Variants in GLDN observed in about 807,000 individuals in gnomAD.
GLDN encodes collomin.
GLDN carries 47 observed loss-of-function variants against 56.5 expected under a neutral mutation model. The observed-to-expected ratio is 0.83, with a 90% CI of 0.66 to 1.06. GLDN has a LOEUF of 1.06. Among genes scored for constraint, GLDN ranks in the 50% least tolerant of loss-of-function variants. The pLI is 0.00. For missense variants in GLDN, 782 were observed against 714.3 expected (o/e 1.09, Z -1.08); for synonymous variants, 332 against 278.8 (o/e 1.19, Z -1.90).
intron 1 of GLDN, among the ~76,000 whole-genome samples, chr15:51,355,261 A>G (rs964222077): frequency 5.9e-5 from 9 of 152,212 alleles, no homozygotes; most frequent in Non-Finnish European, 5.9e-5. Context: ...AATATGGGGT[A>G]GATTATTCAA....
At chr15:51,409,186 A>C (rs2038437547), downstream of GLDN, among the ~76,000 whole-genome samples, 1 of 151,120 alleles carries the variant, frequency 6.6e-6, no homozygotes. Context: ...CGCTGTCACA[A>C]CGCCAAAAAA....
downstream of GLDN, among the ~76,000 whole-genome samples, chr15:51,412,511 T>C (rs1208202605): frequency 6.6e-6 from 1 of 152,232 alleles, no homozygotes; most frequent in Non-Finnish European, 1.5e-5. Context: ...GCCATCTCTC[T>C]CTCTCTATCC....
intron 1 of GLDN, among the ~76,000 whole-genome samples, chr15:51,376,397 A>G (rs2141086655): frequency 6.6e-6 from 1 of 152,378 alleles, no homozygotes; most frequent in Middle Eastern, 3.4e-3. Flanking sequence ...GACACTTACC[A>G]TGAATGGAGC....
chr15:51,376,062 T>C (rs2037624433), intron 1 of GLDN, among the ~76,000 whole-genome samples: 1 of 152,230 alleles, frequency 6.6e-6, no homozygotes, highest in Non-Finnish European at 1.5e-5. Flanking sequence ...TTCTTAGATC[T>C]TTTAAGGGTT....
chr15:51,346,613 G>C lies in GLDN; in HGVS notation c.363+4566G>C, dbSNP rs554414349. 7.5e-4 allele frequency among the ~76,000 whole-genome samples: 114 copies of C among 152,146 alleles called. 1 individual carries two copies. The highest frequency in any genetic ancestry group is 1.4e-3 in the Non-Finnish European group (98 of 68,034). ...GTATATCATTTTTAATTTTGGAATT[G>C]GGAAGCCTTTTCTTTCAAGTTATAA... On this transcript the variant is annotated intron_variant, in intron 1 of 9. Coordinates refer to ENST00000335449, the MANE Select transcript of GLDN (RefSeq NM_181789.4).
rs2037530301 is a variant in GLDN at position 51,372,172 on chromosome 15, T to C, written c.364-5277T>C. Among the ~76,000 whole-genome samples the C allele has an allele frequency of 2.0e-5, 3 of 151,330 alleles. No homozygotes were observed. The Admixed American group carries it at 2.0e-4, about 10-fold the overall frequency. On this transcript the variant is annotated intron_variant, in intron 1 of 9. Coordinates refer to ENST00000335449, the MANE Select transcript of GLDN (RefSeq NM_181789.4). ...CTTCACATGAAGCCACCAGTTCCAC[T>C]ACCATGATAACCCATTAATCCATGA... is the stretch of plus-strand genomic sequence containing the variant.
At chr15:51,352,840 G>A (rs1280172239) in intron 1 of GLDN, among the ~76,000 whole-genome samples, 3 of 152,128 alleles carry the variant, frequency 2.0e-5, no homozygotes, top group East Asian at 1.9e-4. Context: ...AACTAACTTT[G>A]GAAGGAACTT....
Position 51,401,726 on chromosome 15 carries a change from T to A in GLDN, c.1161T>A (p.Gly387=), listed in dbSNP as rs561657988. 130 of 1,613,918 alleles carry A rather than the reference T, an allele frequency of 8.1e-5. 1 individual carries two copies. The South Asian group carries it at 1.3e-3, about 16-fold the overall frequency. ...YNNSLYYHKG[G]SNTLVRFEFG... is the part of the protein sequence containing the mutation. ...ACTCTCTCTACTACCACAAAGGGGG[T>A]TCTAATACCCTAGTGAGGTAAGTCG... Residue 387 remains glycine (G), a synonymous_variant, in exon 9 of 10, where the codon GGT becomes GGA. Transcript: ENST00000335449.
Position 51,376,945 on chromosome 15 carries a change from TTTTTC to T in GLDN, c.364-501_364-497del, listed in dbSNP as rs577464696. Among the ~76,000 whole-genome samples the T allele has an allele frequency of 5.0e-3, 762 of 152,262 alleles. 7 individuals are homozygous for T. The highest frequency in any genetic ancestry group is 0.017 in the African/African-American group (717 of 41,534). Reference sequence around the variant, plus strand: ...GCCTAAGGCTGTTTTACAGTTAACTTTTTTCTTCTAAGTAGAAGGAGTACAGTCTA... The same window carrying T: ...GCCTAAGGCTGTTTTACAGTTAACTTTTCTAAGTAGAAGGAGTACAGTCTA... On this transcript the variant is annotated intron_variant, in intron 1 of 9. Transcript: ENST00000335449.
At chr15:51,385,584 T>G (rs915840092) in intron 4 of GLDN, 2 of 152,060 alleles carry the variant, frequency 1.3e-5, no homozygotes, top group African/African-American at 4.8e-5. Context: ...TGATAAATGC[T>G]GAGGAGAAAA....
intron 1 of GLDN, among the ~76,000 whole-genome samples, chr15:51,358,768 C>T (rs1345873992): frequency 1.3e-5 from 2 of 152,136 alleles, no homozygotes; most frequent in Non-Finnish European, 2.9e-5. Flanking sequence ...ATTTGACCCT[C>T]AAATGCTGAA....
At chr15:51,385,313 G>A (rs2037866249) in intron 4 of GLDN, 1 of 152,220 alleles carries the variant, frequency 6.6e-6, no homozygotes, top group South Asian at 2.1e-4. Flanking sequence ...GGGCACGTAG[G>A]AAAGGGGTGG....
rs372979983 is a variant in GLDN, at chr15:51,376,766, A to T, written c.364-683A>T. ...TTTTTTGTTAAAAATGAAGACACAAACTCACACATTAGCCTAGGCCTACAC... is the reference window on the plus strand; with the variant it reads ...TTTTTTGTTAAAAATGAAGACACAATCTCACACATTAGCCTAGGCCTACAC... On this transcript the variant is annotated intron_variant, in intron 1 of 9. Coordinates refer to ENST00000335449, the MANE Select transcript of GLDN (RefSeq NM_181789.4). Among the ~76,000 whole-genome samples the T allele has an allele frequency of 3.9e-5, 6 of 152,226 alleles. 1 individual carries two copies. The highest frequency in any genetic ancestry group is 1.9e-4 in the East Asian group (1 of 5,190).
intron 4 of GLDN, among the ~76,000 whole-genome samples, chr15:51,388,950 G>A (rs1234724108): frequency 6.6e-6 from 1 of 152,236 alleles, no homozygotes; most frequent in African/African-American, 2.4e-5. Context: ...AGAGAGGCCT[G>A]CAGGACATTG....
intron 1 of GLDN, among the ~76,000 whole-genome samples, chr15:51,374,171 T>C (rs901996760): frequency 5.9e-5 from 9 of 152,208 alleles, no homozygotes; most frequent in African/African-American, 2.2e-4. Flanking sequence ...TTACAGAAGC[T>C]GCACCTGCCC....
At chr15:51,360,800 T>A (rs2037283186) in intron 1 of GLDN, among the ~76,000 whole-genome samples, 1 of 152,204 alleles carries the variant, frequency 6.6e-6, no homozygotes, top group Non-Finnish European at 1.5e-5. Context: ...CAGGGGCCAT[T>A]ATATACTTAT....
intron 1 of GLDN, among the ~76,000 whole-genome samples, chr15:51,343,513 C>T (rs1230086334): frequency 6.6e-6 from 1 of 152,210 alleles, no homozygotes; most frequent in Non-Finnish European, 1.5e-5. Context: ...ATCCGAATTG[C>T]AACCTATTCC....
At chr15:51,398,813 G>A (rs750159981) in intron 6 of GLDN, among the ~76,000 whole-genome samples, 7 of 152,170 alleles carry the variant, frequency 4.6e-5, no homozygotes, top group Admixed American at 1.3e-4. Flanking sequence ...TGAACTGAGC[G>A]AGACCTCCCC....
intron 2 of GLDN, among the ~76,000 whole-genome samples, chr15:51,381,502 A>G (rs1019205822): frequency 3.3e-5 from 5 of 152,166 alleles, no homozygotes; most frequent in African/African-American, 1.2e-4. Context: ...TGCCCAGAGT[A>G]GGACTGTTAT....
Sources: gnomAD v4.1 joint callset for allele counts (sites outside exome capture counted in the v4.1 genomes callset) on GRCh38, gnomAD v4.1.1 for gene constraint, MANE v1.5 for transcripts, NCBI Gene and HGNC (gene_info 2026-07-23, HGNC 2026-07-21) for gene names.